The following EML5 variants were observed in gnomAD, a reference collection of about 807,000 sequenced individuals.
The protein encoded by EML5 is echinoderm microtubule-associated protein-like 5.
Under a neutral mutation model 250.0 loss-of-function variants are expected in EML5, and 120 were observed. The observed-to-expected ratio is 0.48, with a 90% confidence interval of 0.41 to 0.56. The LOEUF is 0.56. Among genes scored for constraint, EML5 ranks in the 20% least tolerant of loss-of-function variants. EML5 has a pLI of 0.00. For missense variants in EML5, 2,006 were observed against 2,437.6 expected, an observed-to-expected ratio of 0.82 and a Z score of 3.73; for synonymous variants, 771 against 806.5, an observed-to-expected ratio of 0.96 and a Z score of 0.75.
At chr14:88,727,120 C>T (rs1028716899) in intron 7 of EML5, among the ~76,000 whole-genome samples, 1 of 152,092 alleles carries the variant, frequency 6.6e-6, no homozygotes, top group Non-Finnish European at 1.5e-5. Context: ...CAATGTTTTG[C>T]CATCTAATTG....
intron 20 of EML5, among the ~76,000 whole-genome samples, chr14:88,683,214 C>T (rs1052780066): frequency 1.5e-5 from 2 of 132,926 alleles, no homozygotes; most frequent in Admixed American, 1.5e-4. Flanking sequence ...TAGGCTAAAC[C>T]GTAGGCCAGC....
At chr14:88,695,520 T>C (rs1200640350) in intron 15 of EML5, 66 bp from the exon 16 acceptor site, 2 of 1,407,108 alleles carry the variant, frequency 1.4e-6, no homozygotes, top group East Asian at 2.4e-5. Context: ...ACATTCAGTA[T>C]ATATTCTAAA....
intron 8 of EML5, among the ~76,000 whole-genome samples, chr14:88,716,639 T>C (rs572032174): frequency 1.3e-5 from 2 of 152,290 alleles, no homozygotes; most frequent in South Asian, 2.1e-4. Flanking sequence ...GTATTTTTTA[T>C]AGCATTTTTG....
Position 88,647,111 on chromosome 14 carries a change from C to T in EML5, c.4020-156G>A, listed in dbSNP as rs1311747307. Among the ~76,000 whole-genome samples the T allele has an allele frequency of 3.3e-5, 5 of 152,194 alleles. No homozygotes were observed. The East Asian group carries it at 9.7e-4, about 29-fold the overall frequency. On this transcript the variant is annotated intron_variant, in intron 28 of 43. Coordinates refer to ENST00000554922, the MANE Select transcript of EML5 (RefSeq NM_183387.3). ...GGCCTGTTGTTTTTAGTTTATAATC[C>T]CAGCACTTTGGGAGCCCAAGGCAGG...
Position 88,665,450 on chromosome 14 carries a change from A to G in EML5, c.3164T>C (p.Leu1055Ser). 6.2e-7 allele frequency: 1 copy of G among 1,614,002 alleles called. No homozygotes were observed. Among genetic ancestry groups the G allele is most frequent in the Non-Finnish European group, 8.5e-7 (1 of 1,179,884 alleles). ...CCCFSPDGKA[L>S]AVGLNDGSFL... is the part of the protein sequence containing the mutation. ...GCTTCCATCGTTGAGACCTACGGCT[A>G]AAGCTTTACCATCAGGAGAAAAACA... The change falls in exon 22 of 44, where the codon TTA (leucine) becomes TCA (serine). Residue 1055 changes from leucine to serine, a missense_variant. Leu to Ser is a moderately radical substitution (Grantham distance 145). Around this residue, in one of 7 missense-constraint regions of EML5, gnomAD observed 1,375 missense variants for 1,590.3 expected, o/e 0.86. Transcript: ENST00000554922.
intron 1 of EML5, among the ~76,000 whole-genome samples, chr14:88,760,358 GTTTT>G (rs1237717433): frequency 2.6e-5 from 4 of 151,934 alleles, no homozygotes; most frequent in African/African-American, 9.7e-5. Context: ...TTGTTTGTTT[GTTTT>G]TTGCTGTCTT....
At chr14:88,728,200 CTT>C (rs35595817) in intron 7 of EML5, among the ~76,000 whole-genome samples, 2 of 146,690 alleles carry the variant, frequency 1.4e-5, no homozygotes, top group Non-Finnish European at 3.0e-5. Flanking sequence ...CATGTACAGA[CTT>C]TTTTTTTTTG....
At position 88,620,933 on chromosome 14, in the gene EML5, TTAAA is replaced by T; in HGVS notation, c.5203-11_5203-8del. 3 of 1,429,314 alleles carry T rather than the reference TTAAA, an allele frequency of 2.1e-6. No homozygotes were observed. The highest frequency in any genetic ancestry group is 7.0e-5 in the Admixed American group (2 of 28,486). 88.5% of individuals were successfully genotyped at this position (1,429,314 alleles called of 1,614,324 possible). A position where few individuals can be genotyped will look rare whatever the true frequency, so the allele number is the denominator to read the frequency against. On this transcript the variant is annotated splice_region_variant and splice_polypyrimidine_tract_variant and intron_variant, in intron 38 of 43. Coordinates refer to ENST00000554922, the MANE Select transcript of EML5 (RefSeq NM_183387.3). This position sits in a 1 kb window ranked among gnomAD's most constrained non-coding sequence, Gnocchi z 4.3. ...TCACTTTGTTTAACATCTTCTGCAT[TTAAA>T]AAAAAAAAAAAAAAGAGTCATAGGA...
rs150868747 is a variant in EML5, at chr14:88,710,409, T to C, written c.1657+1862A>G. 2.0e-3 allele frequency among the ~76,000 whole-genome samples: 297 copies of C among 152,304 alleles called. 1 individual carries two copies. The highest frequency in any genetic ancestry group is 3.2e-3 in the Non-Finnish European group (219 of 68,020). ...CTTCTAAGAAGTCACCTAATGAATA[T>C]TACCTGAGTGGATATCTAAAATATA... On this transcript the variant is annotated intron_variant, in intron 10 of 43. Transcript: ENST00000554922.
chr14:88,676,707 G>A (rs377258259), intron 21 of EML5, among the ~76,000 whole-genome samples: 84 of 152,182 alleles, frequency 5.5e-4, no homozygotes, highest in African/African-American at 2.0e-3. Context: ...AAAGCTGGAG[G>A]CATCATGCTA....
At chr14:88,651,584 T>G (rs1283814405) in intron 27 of EML5, among the ~76,000 whole-genome samples, 1 of 152,094 alleles carries the variant, frequency 6.6e-6, no homozygotes, top group Non-Finnish European at 1.5e-5. Flanking sequence ...TGAAAGAAAT[T>G]TATGGGAATG....
chr14:88,643,076 C>T (rs1781315068), intron 30 of EML5, 54 bp from the exon 31 acceptor site: 2 of 1,502,742 alleles, frequency 1.3e-6, no homozygotes, highest in South Asian at 2.7e-5. Flanking sequence ...AAATGTTCAC[C>T]ACTGTTTTGT....
chr14:88,678,039 C>T (rs1281266911), intron 21 of EML5, among the ~76,000 whole-genome samples: 1 of 152,168 alleles, frequency 6.6e-6, no homozygotes, highest in Non-Finnish European at 1.5e-5. Flanking sequence ...ATGGAATCAA[C>T]TCAAATGCCC....
At chr14:88,695,294 TA>T in intron 16 of EML5, 66 bp downstream of exon 16, 1 of 1,320,964 alleles carries the variant, frequency 7.6e-7, no homozygotes, top group Non-Finnish European at 1.0e-6. Context: ...TTCTTTTAAT[TA>T]AAAATTTTTT....
chr14:88,721,687 C>A (rs2093591765), intron 8 of EML5, among the ~76,000 whole-genome samples: 1 of 152,142 alleles, frequency 6.6e-6, no homozygotes, highest in South Asian at 2.1e-4. Context: ...CTAGGCAATG[C>A]CATTCAGGTC....
At chr14:88,640,526 C>T (rs1349523592) in intron 31 of EML5, among the ~76,000 whole-genome samples, 1 of 152,104 alleles carries the variant, frequency 6.6e-6, no homozygotes, top group South Asian at 2.1e-4. Context: ...ACACAACATA[C>T]CAAAATCTTT....
rs550230564 is a variant in EML5 at position 88,616,298 on chromosome 14, CTCT to C, written c.5797-59_5797-57del. On this transcript the variant is annotated intron_variant, in intron 42 of 43. Transcript: ENST00000554922. ...ATTTGGTGCACACAGAAGTCAAAGG[CTCT>C]TATTAGGAACTATAATCTCTATGAC... The C allele has an allele frequency of 2.0e-6, 3 of 1,508,522 alleles. No homozygotes were observed. In the South Asian group the frequency reaches 3.4e-5, roughly 17 times the overall value. 93.4% of individuals were successfully genotyped at this position (1,508,522 alleles called of 1,614,324 possible). A position where few individuals can be genotyped will look rare whatever the true frequency, so the allele number is the denominator to read the frequency against.
chr14:88,780,374 G>A (rs1196161129), intron 1 of EML5, among the ~76,000 whole-genome samples: 1 of 122,132 alleles, frequency 8.2e-6, no homozygotes, highest in Non-Finnish European at 1.6e-5. Context: ...TCTGCACAAA[G>A]GGTAGATTTG....
chr14:88,736,353 A>T lies in EML5; in HGVS notation c.1049+11T>A, dbSNP rs752421304. 1 of 1,613,658 alleles carries T rather than the reference A, an allele frequency of 6.2e-7. No homozygotes were observed. Among genetic ancestry groups the T allele is most frequent in the Non-Finnish European group, 8.5e-7 (1 of 1,179,684 alleles). On this transcript the variant is annotated intron_variant, in intron 7 of 43. Transcript: ENST00000554922. ...ATTCCAGCCTATGGAATTAGTTTAT[A>T]ATTTGCTTACCTGACCGAACGATCA...
Sources: gnomAD v4.1 joint callset for allele counts (sites outside exome capture counted in the v4.1 genomes callset) on GRCh38, gnomAD v4.1.1 for gene constraint, gnomAD v4.1.1 regional missense constraint, Gnocchi (gnomAD v3.1) non-coding constraint, MANE v1.5 for transcripts, NCBI Gene and HGNC (gene_info 2026-07-23, HGNC 2026-07-21) for gene names.